The following ITPR2 variants were observed in gnomAD, a reference collection of about 807,000 sequenced individuals.
The protein encoded by ITPR2 is inositol 1,4,5-trisphosphate receptor type 2, also known as inositol 1,4,5-trisphosphate-gated calcium channel ITPR2.
ITPR2 carries 207 observed loss-of-function variants against 317.1 expected under a neutral mutation model. The ratio of observed to expected loss-of-function variants is 0.65; its 90% CI spans 0.58 to 0.73. ITPR2 has a LOEUF of 0.73. Ranked by LOEUF, ITPR2 falls within the 30% of genes least tolerant of loss-of-function variation. ITPR2 has a pLI of 0.00. For synonymous variants in ITPR2, 1,156 were observed against 1,149.1 expected (o/e 1.01, Z -0.12); for missense variants, 2,613 against 3,284.0 (o/e 0.80, Z 4.99).
Position 26,659,093 on chromosome 12 carries a change from C to T in ITPR2, c.1886+20G>A. The T allele has an allele frequency of 6.3e-7, 1 of 1,586,948 alleles. No homozygotes were observed. The highest frequency in any genetic ancestry group is 8.6e-7 in the Non-Finnish European group (1 of 1,159,976). ...CCGCAATCTCCACTAGAAAAGAATA[C>T]CGCATGAATCATTTCAAACCTTGGC... On this transcript the variant is annotated intron_variant, in intron 16 of 56. Coordinates refer to ENST00000381340, the MANE Select transcript of ITPR2 (RefSeq NM_002223.4).
intron 37 of ITPR2, among the ~76,000 whole-genome samples, chr12:26,546,494 T>C (rs906693349): frequency 6.6e-6 from 1 of 152,172 alleles, no homozygotes; most frequent in Admixed American, 6.6e-5. Context: ...GACCTTCAGT[T>C]CCATGCAGCA....
intron 1 of ITPR2, among the ~76,000 whole-genome samples, chr12:26,814,369 A>C (rs1950812369): frequency 6.6e-6 from 1 of 152,204 alleles, no homozygotes; most frequent in East Asian, 1.9e-4. Context: ...AACTAAGTGT[A>C]ATAAACTTAG....
intron 45 of ITPR2, among the ~76,000 whole-genome samples, chr12:26,468,194 T>C (rs1468939489): frequency 6.7e-6 from 1 of 149,464 alleles, no homozygotes; most frequent in Non-Finnish European, 1.5e-5. Flanking sequence ...CTTAAGGGTA[T>C]GAAGGTAACA....
At chr12:26,610,949 C>T (rs531772219) in intron 26 of ITPR2, among the ~76,000 whole-genome samples, 1 of 152,366 alleles carries the variant, frequency 6.6e-6, no homozygotes, top group East Asian at 1.9e-4. Context: ...CATCTCCCCG[C>T]ACAGGAGTGC....
At chr12:26,408,581 TTCTC>T (rs1196166940) in intron 52 of ITPR2, among the ~76,000 whole-genome samples, 1 of 151,994 alleles carries the variant, frequency 6.6e-6, no homozygotes, top group Non-Finnish European at 1.5e-5. Context: ...GCCCTGGCAG[TTCTC>T]TCTCTCTGTG....
intron 1 of ITPR2, among the ~76,000 whole-genome samples, chr12:26,799,973 T>C (rs1251039341): frequency 6.6e-6 from 1 of 152,214 alleles, no homozygotes; most frequent in Non-Finnish European, 1.5e-5. Flanking sequence ...CAGGTCCAGA[T>C]CTTTACCACC....
At chr12:26,362,316 C>T (rs1054409423) in intron 55 of ITPR2, among the ~76,000 whole-genome samples, 7 of 152,186 alleles carry the variant, frequency 4.6e-5, no homozygotes, top group African/African-American at 1.2e-4. Flanking sequence ...AAGGATGTTT[C>T]TTACCAAAAT....
At chr12:26,397,990 G>A (rs988427402) in intron 54 of ITPR2, among the ~76,000 whole-genome samples, 15 of 151,704 alleles carry the variant, frequency 9.9e-5, no homozygotes, top group East Asian at 1.9e-4. Flanking sequence ...GATGATGAGG[G>A]CAATGAGAAG....
intron 34 of ITPR2, among the ~76,000 whole-genome samples, chr12:26,574,999 C>T (rs751316980): frequency 5.6e-4 from 85 of 151,624 alleles, no homozygotes; most frequent in Admixed American, 3.2e-3. Context: ...AGGGGACAGA[C>T]GTCTAAACCA....
At chr12:26,504,670 A>T (rs1245125773) in intron 37 of ITPR2, among the ~76,000 whole-genome samples, 1 of 152,220 alleles carries the variant, frequency 6.6e-6, no homozygotes, top group Non-Finnish European at 1.5e-5. Context: ...TGGAAATCAC[A>T]TCAATGTATG....
In ITPR2 at chr12:26,454,183, ATGTGGTGTTTTT is replaced by A. The variant is rs372024181; in HGVS notation, c.6343-10545_6343-10534del. Among the ~76,000 whole-genome samples, 4 of 152,262 alleles carry A rather than the reference ATGTGGTGTTTTT, an allele frequency of 2.6e-5. 1 individual carries two copies. Among genetic ancestry groups the A allele is most frequent in the African/African-American group, 9.6e-5 (4 of 41,570 alleles). ...ACAATATTATATGTAAATATGAGAAATGTGGTGTTTTTTGTTTGTTTGCTTGTTTGTTTGTTT... is the reference window on the plus strand; with the variant it reads ...ACAATATTATATGTAAATATGAGAAATGTTTGTTTGCTTGTTTGTTTGTTT... On this transcript the variant is annotated intron_variant, in intron 45 of 56. Transcript: ENST00000381340.
At chr12:26,771,599 C>T (rs1019418247) in intron 2 of ITPR2, among the ~76,000 whole-genome samples, 1 of 152,194 alleles carries the variant, frequency 6.6e-6, no homozygotes, top group Non-Finnish European at 1.5e-5. Context: ...ACTGCAAGCT[C>T]TGCCTCCCGG....
chr12:26,811,161 T>C (rs1032454965), intron 1 of ITPR2, among the ~76,000 whole-genome samples: 1 of 152,190 alleles, frequency 6.6e-6, no homozygotes, highest in African/African-American at 2.4e-5. Flanking sequence ...TAAAACAAGA[T>C]GTTTAATTTT....
chr12:26,486,218 T>C lies in ITPR2; in HGVS notation c.5697A>G (p.Gly1899=). ...IDIMCTGPEA[G]NTEEKSAEEV... is the part of the protein sequence containing the mutation. ...CCTCTGCGGATTTTTCCTCAGTGTT[T>C]CCCGCTTCTGGTCCTGTGCACATAA... Residue 1899 remains glycine, a synonymous_variant, in exon 41 of 57, where the codon GGA becomes GGG. Transcript: ENST00000381340. 1 of 1,614,168 alleles carries C rather than the reference T, an allele frequency of 6.2e-7. No homozygotes were observed. Among genetic ancestry groups the C allele is most frequent in the Non-Finnish European group, 8.5e-7 (1 of 1,180,014 alleles).
At chr12:26,503,440 T>C (rs981027644) in intron 37 of ITPR2, among the ~76,000 whole-genome samples, 3 of 152,200 alleles carry the variant, frequency 2.0e-5, no homozygotes. Context: ...GAGTTCTACA[T>C]GGCACAACTC....
intron 37 of ITPR2, among the ~76,000 whole-genome samples, chr12:26,515,457 TCC>T (rs1244794560): frequency 4.6e-4 from 70 of 152,100 alleles, no homozygotes; most frequent in Non-Finnish European, 9.0e-4. Context: ...CACACTGACT[TCC>T]AGCATGTGCA....
In ITPR2 at chr12:26,398,989, A is replaced by G. The variant is rs1368812692; in HGVS notation, c.7583T>C (p.Val2528Ala). The G allele has an allele frequency of 5.6e-6, 9 of 1,607,012 alleles. No individual in the cohort carries two copies. Among genetic ancestry groups the G allele is most frequent in the Non-Finnish European group, 7.6e-6 (9 of 1,178,290 alleles). ...AATCAAGTTCAGAACAATAATGATA[A>G]CAATGAAATAAAAAAGAAGGTCATA... ...VVYDLLFYFI[V>A]IIIVLNLIFG... Residue 2528 changes from valine (V) to alanine (A), a missense_variant, in exon 54 of 57, where the codon GTT becomes GCT. By Grantham distance (64) the Val-to-Ala change is moderately conservative (BLOSUM62 0). Coordinates refer to ENST00000381340, the MANE Select transcript of ITPR2 (RefSeq NM_002223.4).
intron 2 of ITPR2, among the ~76,000 whole-genome samples, chr12:26,769,166 C>A (rs1184285495): frequency 6.6e-6 from 1 of 152,190 alleles, no homozygotes; most frequent in Non-Finnish European, 1.5e-5. Context: ...TCCAGGAGAA[C>A]AAGGGTGAGT....
intron 2 of ITPR2, among the ~76,000 whole-genome samples, chr12:26,742,691 G>A (rs1949252277): frequency 6.6e-6 from 1 of 151,960 alleles, no homozygotes; most frequent in South Asian, 2.1e-4. Context: ...GCGGGTGCCT[G>A]TAATCCCAGC....
Sources: allele counts gnomAD v4.1 joint callset (sites outside exome capture counted in the v4.1 genomes callset), GRCh38; gene constraint gnomAD v4.1.1; transcripts MANE v1.5; gene names NCBI Gene and HGNC (gene_info 2026-07-23, HGNC 2026-07-21).